ARB2A: variants seen among roughly 807,000 people sequenced by gnomAD.
ARB2A encodes the protein ARB2 cotranscriptional regulator A.
At chr5:93,854,795 T>C in the ARB2A span, among the ~76,000 whole-genome samples, 3 of 152,342 alleles carry the variant, frequency 2.0e-5, no homozygotes, top group South Asian at 6.2e-4. Context: ...TCCTGAGTTC[T>C]AGTTTGATTG....
chr5:93,882,077 G>A, the ARB2A span, among the ~76,000 whole-genome samples: 1 of 151,162 alleles, frequency 6.6e-6, no homozygotes, highest in Non-Finnish European at 1.5e-5. Context: ...AACAACCTCT[G>A]AAATCAAAGT....
the ARB2A span, among the ~76,000 whole-genome samples, chr5:93,883,142 G>A: frequency 6.6e-6 from 1 of 151,390 alleles, no homozygotes; most frequent in Non-Finnish European, 1.5e-5. Flanking sequence ...TCCATCAGAT[G>A]ATATTATTGT....
chr5:93,702,824 C>T, the ARB2A span, among the ~76,000 whole-genome samples: 1 of 152,106 alleles, frequency 6.6e-6, no homozygotes, highest in South Asian at 2.1e-4. Context: ...TTAAAGTTCA[C>T]AGATATTTTC....
At chr5:93,725,515 T>C in the ARB2A span, among the ~76,000 whole-genome samples, 1 of 152,144 alleles carries the variant, frequency 6.6e-6, no homozygotes, top group African/African-American at 2.4e-5. Context: ...GTTCTGGATA[T>C]TTATTTTTCA....
the ARB2A span, among the ~76,000 whole-genome samples, chr5:94,071,305 T>C: frequency 1.3e-5 from 2 of 152,202 alleles, no homozygotes; most frequent in East Asian, 3.9e-4. Flanking sequence ...GAAGAATGCA[T>C]AGGAGAAAAC....
chr5:94,008,300 T>C, the ARB2A span, among the ~76,000 whole-genome samples: 1 of 152,192 alleles, frequency 6.6e-6, no homozygotes. Flanking sequence ...AGACAGGCAA[T>C]ATAGCTCCAC....
At chr5:93,797,819 G>C in the ARB2A span, among the ~76,000 whole-genome samples, 1 of 152,116 alleles carries the variant, frequency 6.6e-6, no homozygotes, top group Non-Finnish European at 1.5e-5. Flanking sequence ...GAACAAGAGA[G>C]GTGTTTTCAG....
chr5:93,649,386 A>G, the ARB2A span, among the ~76,000 whole-genome samples: 61 of 152,144 alleles, frequency 4.0e-4, no homozygotes, highest in Non-Finnish European at 7.5e-4. Context: ...AGAGCTCTGC[A>G]CTGAGTGGCC....
At chr5:93,714,775 A>G in the ARB2A span, among the ~76,000 whole-genome samples, 2 of 152,188 alleles carry the variant, frequency 1.3e-5, no homozygotes, top group Admixed American at 1.3e-4. Flanking sequence ...TGCAACTCTT[A>G]CACAGGAGAA....
the ARB2A span, among the ~76,000 whole-genome samples, chr5:94,040,460 C>T: frequency 2.0e-5 from 3 of 151,590 alleles, no homozygotes; most frequent in South Asian, 6.3e-4. Flanking sequence ...CCCACTAACT[C>T]GTCATTTGCA....
the ARB2A span, among the ~76,000 whole-genome samples, chr5:93,682,360 T>G: frequency 6.6e-6 from 1 of 152,150 alleles, no homozygotes; most frequent in African/African-American, 2.4e-5. Flanking sequence ...GGATAAAATT[T>G]AACTTCAGAT....
the ARB2A span, among the ~76,000 whole-genome samples, chr5:93,972,213 T>C: frequency 6.6e-6 from 1 of 152,090 alleles, no homozygotes; most frequent in African/African-American, 2.4e-5. Context: ...ACCAACCAGC[T>C]CTTACAATTA....
At chr5:93,846,948 T>C in the ARB2A span, among the ~76,000 whole-genome samples, 1 of 152,220 alleles carries the variant, frequency 6.6e-6, no homozygotes, top group Admixed American at 6.5e-5. Flanking sequence ...GTATGAACCA[T>C]TGTTTGATCG....
the ARB2A span, among the ~76,000 whole-genome samples, chr5:93,891,215 C>T: frequency 6.6e-6 from 1 of 152,060 alleles, no homozygotes; most frequent in African/African-American, 2.4e-5. Context: ...GCCTTCATTC[C>T]TGTATGAGCC....
At chr5:93,740,569 C>T in the ARB2A span, 4 of 1,585,794 alleles carry the variant, frequency 2.5e-6, no homozygotes, top group South Asian at 4.5e-5. Context: ...AGGGCAAGCC[C>T]CTCAGCCCTA....
At chr5:93,640,949 C>A in the ARB2A span, among the ~76,000 whole-genome samples, 3 of 151,954 alleles carry the variant, frequency 2.0e-5, no homozygotes, top group African/African-American at 7.3e-5. Context: ...CGCCTGTAAT[C>A]CCAGCACTTT....
chr5:93,859,684 T>C, the ARB2A span, among the ~76,000 whole-genome samples: 1 of 152,106 alleles, frequency 6.6e-6, no homozygotes, highest in African/African-American at 2.4e-5. Flanking sequence ...TGAGGAATCA[T>C]AGATGGCCAA....
At chr5:93,905,834 G>A in the ARB2A span, among the ~76,000 whole-genome samples, 6 of 151,526 alleles carry the variant, frequency 4.0e-5, no homozygotes, top group South Asian at 2.1e-4. Context: ...TCTGATAAAT[G>A]CAAGTAACAT....
the ARB2A span, among the ~76,000 whole-genome samples, chr5:93,841,174 T>C: frequency 1.1e-4 from 17 of 152,306 alleles, no homozygotes; most frequent in Non-Finnish European, 2.4e-4. Flanking sequence ...TACTGTGACA[T>C]GTACTGATCT....
Sources: allele counts gnomAD v4.1 joint callset (sites outside exome capture counted in the v4.1 genomes callset), GRCh38; gene constraint gnomAD v4.1.1; transcripts MANE v1.5; gene names NCBI Gene and HGNC (gene_info 2026-07-23, HGNC 2026-07-21).